TUBAL3: variants seen among roughly 807,000 people sequenced by gnomAD.
TUBAL3 encodes tubulin alpha like 3, also known as tubulin alpha chain-like 3.
Under a neutral mutation model 15.5 loss-of-function variants are expected in TUBAL3, and 16 were observed. The observed-to-expected ratio is 1.04, with a 90% CI of 0.70 to 1.57. TUBAL3 has a LOEUF of 1.57. Among genes scored for constraint, TUBAL3 ranks in the 40% most tolerant of loss-of-function variants. The pLI, the probability that TUBAL3 is intolerant of heterozygous loss-of-function variation, is 0.00. For missense variants in TUBAL3, 609 were observed against 576.2 expected (o/e 1.06, Z -0.58); for synonymous variants, 238 against 224.3 (o/e 1.06, Z -0.55).
chr10:5,394,168 A>G lies in TUBAL3; in HGVS notation c.690T>C (p.Ser230=). The G allele has an allele frequency of 1.2e-6, 2 of 1,614,216 alleles. No homozygotes were observed. Among genetic ancestry groups the G allele is most frequent in the Non-Finnish European group, 1.7e-6 (2 of 1,180,042 alleles). The change falls in exon 4 of 4, where the codon TCT becomes TCC. Residue 230 remains serine (S), a synonymous_variant. Coordinates refer to ENST00000380419, the MANE Select transcript of TUBAL3 (RefSeq NM_024803.3). The surrounding 1 kb of genome is among the most constrained non-coding windows in gnomAD (Gnocchi z 4.3). ...CCACCAATCTATTGATGCTGGCATG[A>G]GAGGGGCATTCAACACCGAGTTTAC... is the stretch of plus-strand genomic sequence containing the variant. ...CHRKLGVECP[S]HASINRLVVQ...
chr10:5,401,778 C>A (rs7474730), intron 1 of TUBAL3, among the ~76,000 whole-genome samples: 114,049 of 151,800 alleles, frequency 0.75, 43,131 homozygotes, highest in East Asian at 0.82. Flanking sequence ...CATCCACTAG[C>A]TAGGCAAATG....
In TUBAL3 at chr10:5,397,147, G is replaced by A. The variant is rs1320510155; in HGVS notation, c.248-1672C>T. 1.3e-5 allele frequency among the ~76,000 whole-genome samples: 2 copies of A among 152,202 alleles called. No homozygotes were observed. Among genetic ancestry groups the A allele is most frequent in the Non-Finnish European group, 2.9e-5 (2 of 68,034 alleles). On this transcript the variant is annotated intron_variant, in intron 2 of 3. Coordinates refer to ENST00000380419, the MANE Select transcript of TUBAL3 (RefSeq NM_024803.3). This position sits in a 1 kb window ranked among gnomAD's most constrained non-coding sequence, Gnocchi z 4.9. Reference sequence around the variant, plus strand: ...GCCTTGGCAGCAGATAGCTGAGCCAGTCCTAGAAGCTCACAGCCTAAGGAG... The same window carrying A: ...GCCTTGGCAGCAGATAGCTGAGCCAATCCTAGAAGCTCACAGCCTAAGGAG...
chr10:5,395,988 G>A lies in TUBAL3; in HGVS notation c.248-513C>T, dbSNP rs974869102. 3.9e-5 allele frequency among the ~76,000 whole-genome samples: 6 copies of A among 152,064 alleles called. No homozygotes were observed. Among genetic ancestry groups the A allele is most frequent in the Non-Finnish European group, 8.8e-5 (6 of 68,024 alleles). On this transcript the variant is annotated intron_variant, in intron 2 of 3. Transcript: ENST00000380419. The surrounding 1 kb of genome is among the most constrained non-coding windows in gnomAD (Gnocchi z 4.6). The stretch of plus-strand genomic sequence containing the variant: ...GTGTCTGTGCTCTCTCCTCTGATAA[G>A]GACACAATTCTTTAGCATTAGGGCC...
At position 5,397,790 on chromosome 10, in the gene TUBAL3, T is replaced by TA. The variant is rs1831786432; in HGVS notation, c.248-2316dup. Among the ~76,000 whole-genome samples, 1 of 152,174 alleles carries TA rather than the reference T, an allele frequency of 6.6e-6. No individual in the cohort carries two copies. Among genetic ancestry groups the TA allele is most frequent in the Non-Finnish European group, 1.5e-5 (1 of 68,030 alleles). ...CAGAACTCTCCCACTTCCAAAATCT[T>TA]AAACATGCAAATTCCTTTTTCTGAC... On this transcript the variant is annotated intron_variant, in intron 2 of 3. Transcript: ENST00000380419. This position sits in a 1 kb window ranked among gnomAD's most constrained non-coding sequence, Gnocchi z 4.9.
Position 5,393,853 on chromosome 10 carries a change from C to A in TUBAL3, c.1005G>T (p.Val335=). 6.2e-7 allele frequency: 1 copy of A among 1,614,210 alleles called. No homozygotes were observed. The highest frequency in any genetic ancestry group is 1.7e-5 in the Admixed American group (1 of 60,030). The change falls in exon 4 of 4, where the codon GTG becomes GTT. Residue 335 remains valine, a synonymous_variant. Transcript: ENST00000380419. ...ACTTCGTGGCTGCGATTGCTGCATT[C>A]ACTTCCTTGGGGACCACATCCCCTC... ...LYRGDVVPKE[V]NAAIAATKSR...
At position 5,394,566 on chromosome 10, in the gene TUBAL3, T is replaced by C. The variant is rs1554813917; in HGVS notation, c.397-105A>G. On this transcript the variant is annotated intron_variant, in intron 3 of 3. Transcript: ENST00000380419. The surrounding 1 kb of genome is among the most constrained non-coding windows in gnomAD (Gnocchi z 4.3). Reference sequence around the variant, plus strand: ...ACAGGTTTCCCCAAAACAAAATCTTTCAGAAAGGACTCCTTTGCCTTTGTT... The same window carrying C: ...ACAGGTTTCCCCAAAACAAAATCTTCCAGAAAGGACTCCTTTGCCTTTGTT... 9.7e-7 allele frequency: 1 copy of C among 1,031,104 alleles called. No homozygotes were observed. The highest frequency in any genetic ancestry group is 2.5e-5 in the East Asian group (1 of 40,106). The allele number at this position is 1,031,104 out of a possible 1,614,324, so 63.9% of individuals were successfully genotyped here.
intron 2 of TUBAL3, among the ~76,000 whole-genome samples, chr10:5,398,275 C>T (rs1588413542): frequency 2.0e-5 from 3 of 152,112 alleles, no homozygotes; most frequent in Middle Eastern, 3.4e-3. Context: ...ACAAAATTAG[C>T]AGGGCATGGT....
intron 1 of TUBAL3, 133 bp from the exon 2 acceptor site, chr10:5,401,220 AT>A (rs1214632255): frequency 8.9e-7 from 1 of 1,122,180 alleles, no homozygotes. Flanking sequence ...TATAAGGATA[AT>A]CAAAAGCGTT....
At chr10:5,399,076 C>G (rs1457625792) in intron 2 of TUBAL3, among the ~76,000 whole-genome samples, 10 of 152,094 alleles carry the variant, frequency 6.6e-5, no homozygotes, top group Non-Finnish European at 1.0e-4. Context: ...AGGACCAAAC[C>G]CAGCTCTACT....
rs192225785 is a variant in TUBAL3 at position 5,397,390 on chromosome 10, G to T, written c.248-1915C>A. ...TTATAAACAAGATATAAGTGAAAGT[G>T]TAATTCTGGGTGGACTATTTCCTTC... On this transcript the variant is annotated intron_variant, in intron 2 of 3. Transcript: ENST00000380419. The surrounding 1 kb of genome is among the most constrained non-coding windows in gnomAD (Gnocchi z 4.9). Among the ~76,000 whole-genome samples, 591 of 152,312 alleles carry T rather than the reference G, an allele frequency of 3.9e-3. 15 individuals are homozygous for T. The highest frequency in any genetic ancestry group is 6.3e-4 in the Non-Finnish European group (43 of 68,028).
chr10:5,399,087 C>T (rs759698727), intron 2 of TUBAL3, among the ~76,000 whole-genome samples: 1 of 152,186 alleles, frequency 6.6e-6, no homozygotes, highest in Non-Finnish European at 1.5e-5. Flanking sequence ...CAGCTCTACT[C>T]TAATAACTCA....
chr10:5,395,347 G>C lies in TUBAL3; in HGVS notation c.376C>G (p.Leu126Val). The C allele has an allele frequency of 6.3e-7, 1 of 1,579,776 alleles. No homozygotes were observed. Among genetic ancestry groups the C allele is most frequent in the Non-Finnish European group, 8.6e-7 (1 of 1,158,254 alleles). Reference protein sequence around the residue: ...SVGSEVIDLVLERTRKLAEQC... With the variant: ...SVGSEVIDLVVERTRKLAEQC... ...CTTGCCAGCTTCCGGGTCCTCTCCA[G>C]CACAAGGTCGATGACCTCCGACCCC... The change falls in exon 3 of 4, where the codon CTG becomes GTG. Residue 126 changes from leucine to valine, a missense_variant. Coordinates refer to ENST00000380419, the MANE Select transcript of TUBAL3 (RefSeq NM_024803.3). This position sits in a 1 kb window ranked among gnomAD's most constrained non-coding sequence, Gnocchi z 4.6.
intron 2 of TUBAL3, among the ~76,000 whole-genome samples, chr10:5,400,094 A>ATTGT (rs1451865733): frequency 6.6e-6 from 1 of 152,160 alleles, no homozygotes; most frequent in African/African-American, 2.4e-5. Context: ...CTACAAGTCT[A>ATTGT]TTGTTAGTAA....
chr10:5,394,057 T>C lies in TUBAL3; in HGVS notation c.801A>G (p.Val267=). The change falls in exon 4 of 4, where the codon GTA becomes GTG. Residue 267 remains valine, a synonymous_variant. Coordinates refer to ENST00000380419, the MANE Select transcript of TUBAL3 (RefSeq NM_024803.3). The surrounding 1 kb of genome is among the most constrained non-coding windows in gnomAD (Gnocchi z 4.3). ...TGGGGAAATGTATTCTCGGATAAGGTACCAGGTTGGTCTGGAATTCAATTA... is the reference window on the plus strand; with the variant it reads ...TGGGGAAATGTATTCTCGGATAAGGCACCAGGTTGGTCTGGAATTCAATTA... ...VDLIEFQTNL[V]PYPRIHFPMT... 3 of 1,614,106 alleles carry C rather than the reference T, an allele frequency of 1.9e-6. No individual in the cohort carries two copies. The highest frequency in any genetic ancestry group is 2.5e-6 in the Non-Finnish European group (3 of 1,180,010).
chr10:5,402,430 C>CA (rs1329573601), intron 1 of TUBAL3, among the ~76,000 whole-genome samples: 1 of 152,196 alleles, frequency 6.6e-6, no homozygotes, highest in Non-Finnish European at 1.5e-5. Context: ...ATGAGACCCC[C>CA]ATGTCTTCTG....
Position 5,400,973 on chromosome 10 carries a change from G to A in TUBAL3, c.118C>T (p.Gln40Ter), listed in dbSNP as rs1265419085. ...IQPNGVVLDT[Q>*]QDQLENAKME... ...TTTGCATTTTCCAGCTGATCCTGTT[G>A]AGTGTCAAGAACAACGCCATTTGGC... Residue 40 changes from glutamine to a stop codon, truncating the protein, a stop_gained, in exon 2 of 4, where the codon CAA (glutamine) becomes TAA (stop). Transcript: ENST00000380419. LOFTEE classifies it high-confidence loss of function. 6.2e-7 allele frequency: 1 copy of A among 1,614,090 alleles called. No individual in the cohort carries two copies. Among genetic ancestry groups the A allele is most frequent in the African/African-American group, 1.3e-5 (1 of 74,918 alleles).
rs1831743095 is a variant in TUBAL3 at position 5,395,113 on chromosome 10, C to T, written c.396+214G>A. On this transcript the variant is annotated intron_variant, in intron 3 of 3. Coordinates refer to ENST00000380419, the MANE Select transcript of TUBAL3 (RefSeq NM_024803.3). The surrounding 1 kb of genome is among the most constrained non-coding windows in gnomAD (Gnocchi z 4.6). ...GGGATGATCAGGTGATCAGGGGACC[C>T]CCCAGTAAGTATAAAAGTTTCTGTC... 6.6e-6 allele frequency among the ~76,000 whole-genome samples: 1 copy of T among 152,110 alleles called. No individual in the cohort carries two copies. The highest frequency in any genetic ancestry group is 6.6e-5 in the Admixed American group (1 of 15,266).
chr10:5,399,513 G>C (rs1831817234), intron 2 of TUBAL3, among the ~76,000 whole-genome samples: 2 of 152,224 alleles, frequency 1.3e-5, no homozygotes, highest in Non-Finnish European at 2.9e-5. Flanking sequence ...CCAGCCTCCA[G>C]AATCGTGAGA....
intron 2 of TUBAL3, among the ~76,000 whole-genome samples, chr10:5,398,968 A>G (rs1831807656): frequency 2.6e-5 from 4 of 152,186 alleles, no homozygotes; most frequent in Admixed American, 2.6e-4. Flanking sequence ...ATATGGCTCA[A>G]TTTCAACAGT....
Sources: gnomAD v4.1 joint callset for allele counts (sites outside exome capture counted in the v4.1 genomes callset) on GRCh38, gnomAD v4.1.1 for gene constraint, Gnocchi (gnomAD v3.1) non-coding constraint, MANE v1.5 for transcripts, NCBI Gene and HGNC (gene_info 2026-07-23, HGNC 2026-07-21) for gene names.